Variants in SLK observed in about 807,000 individuals in gnomAD.
The protein encoded by SLK is STE20-like serine/threonine-protein kinase.
A neutral mutation model predicts 147.7 loss-of-function variants in SLK; 67 were observed. The ratio of observed to expected loss-of-function variants is 0.45; its 90% CI spans 0.37 to 0.56. The LOEUF is 0.56. SLK is among the 20% of genes least tolerant of loss of function. The pLI is 0.00. For synonymous variants in SLK, 441 were observed against 475.0 expected (o/e 0.93, Z 0.93); for missense variants, 1,136 against 1,438.8 (o/e 0.79, Z 3.41).
intron 12 of SLK, 86 bp downstream of exon 12, chr10:104,008,442 A>T: frequency 1.1e-6 from 1 of 878,932 alleles, no homozygotes; most frequent in Non-Finnish European, 1.7e-6. Context: ...AGGAATACTA[A>T]TAATACTTGA....
intron 1 of SLK, among the ~76,000 whole-genome samples, chr10:103,984,115 CCTAA>C (rs1843982649): frequency 6.6e-6 from 1 of 151,920 alleles, no homozygotes; most frequent in African/African-American, 2.4e-5. Context: ...CTGTCTGGAC[CCTAA>C]CTGATACAAG....
chr10:103,977,688 T>A (rs558132630), intron 1 of SLK, among the ~76,000 whole-genome samples: 2 of 152,366 alleles, frequency 1.3e-5, no homozygotes, highest in South Asian at 2.1e-4. Flanking sequence ...CCTTGTTAAA[T>A]TTTTGCCTTG....
At chr10:104,012,226 T>G (rs766945658) in intron 13 of SLK, among the ~76,000 whole-genome samples, 1 of 152,218 alleles carries the variant, frequency 6.6e-6, no homozygotes, top group Admixed American at 6.5e-5. Context: ...TAAATTTTGC[T>G]AAGTAAAGAT....
chr10:103,986,693 C>CAA (rs1844020266), intron 1 of SLK, among the ~76,000 whole-genome samples: 3 of 53,234 alleles, frequency 5.6e-5, no homozygotes, highest in African/African-American at 1.4e-4. Context: ...TTTTTTTTTT[C>CAA]CCTGAGACAG....
intron 13 of SLK, among the ~76,000 whole-genome samples, chr10:104,015,895 A>G (rs1424621515): frequency 6.6e-6 from 1 of 151,684 alleles, no homozygotes; most frequent in East Asian, 1.9e-4. Flanking sequence ...ATTTAGACCC[A>G]TTGTTTCTGT....
In SLK at chr10:104,008,401, A is replaced by T. The variant is rs186432670; in HGVS notation, c.2784+45A>T. The T allele has an allele frequency of 2.5e-3, 3,282 of 1,333,394 alleles. 84 individuals are homozygous for T. In the East Asian group the frequency reaches 0.065, roughly 26 times the overall value. 82.6% of individuals were successfully genotyped at this position (1,333,394 alleles called of 1,614,324 possible). Reference sequence around the variant, plus strand: ...TTTAATTACTAAAGCTTTTTTTTTAAAAAAATTGTTTTAAGACTATCTAAG... The same window carrying T: ...TTTAATTACTAAAGCTTTTTTTTTATAAAAATTGTTTTAAGACTATCTAAG... On this transcript the variant is annotated intron_variant, in intron 12 of 18. Transcript: ENST00000369755.
At chr10:104,015,042 G>A (rs1224130665) in intron 13 of SLK, among the ~76,000 whole-genome samples, 2 of 151,988 alleles carry the variant, frequency 1.3e-5, no homozygotes, top group Non-Finnish European at 2.9e-5. Context: ...TAGTGAATGT[G>A]TAATAACATT....
chr10:103,985,977 G>A (rs552828999), intron 1 of SLK, among the ~76,000 whole-genome samples: 19 of 152,142 alleles, frequency 1.2e-4, no homozygotes, highest in Non-Finnish European at 2.6e-4. Context: ...TAAAAACAGT[G>A]ATTTTAGGTG....
intron 1 of SLK, among the ~76,000 whole-genome samples, chr10:103,979,853 T>C (rs1275039702): frequency 1.3e-4 from 20 of 152,220 alleles, no homozygotes; most frequent in Admixed American, 1.3e-3. Flanking sequence ...GTGTAGACAT[T>C]TTAAGTTTTA....
intron 1 of SLK, among the ~76,000 whole-genome samples, chr10:103,978,682 C>T (rs1022219288): frequency 2.0e-5 from 3 of 152,134 alleles, no homozygotes; most frequent in African/African-American, 4.8e-5. Context: ...TTCTTACTAA[C>T]GTGTTTTTTA....
At chr10:103,998,407 G>A (rs1373776221) in intron 4 of SLK, among the ~76,000 whole-genome samples, 1 of 152,090 alleles carries the variant, frequency 6.6e-6, no homozygotes, top group East Asian at 1.9e-4. Context: ...TTACTGTTCT[G>A]TATAATTTAA....
Position 104,008,191 on chromosome 10 carries a change from A to G in SLK, c.2619A>G (p.Gln873=), listed in dbSNP as rs767047729. Reference sequence around the variant, plus strand: ...TTGTTTTACAGAGTAAAAAGCGACAATATGACCAGGAAATTGAGAATCTAG... The same window carrying G: ...TTGTTTTACAGAGTAAAAAGCGACAGTATGACCAGGAAATTGAGAATCTAG... The part of the protein sequence containing the change: ...FEQEMMSKKR[Q]YDQEIENLEK... The change falls in exon 12 of 19, where the codon CAA becomes CAG. Residue 873 remains glutamine, a synonymous_variant. Transcript: ENST00000369755. 6 of 1,612,862 alleles carry G rather than the reference A, an allele frequency of 3.7e-6. No individual in the cohort carries two copies. The highest frequency in any genetic ancestry group is 3.3e-5 in the Admixed American group (2 of 59,706).
At chr10:104,012,474 A>G (rs910216560) in intron 13 of SLK, among the ~76,000 whole-genome samples, 13 of 152,134 alleles carry the variant, frequency 8.5e-5, no homozygotes, top group African/African-American at 3.1e-4. Context: ...CATTTACTAT[A>G]TGTCAGGCAT....
Position 103,978,207 on chromosome 10 carries a change from T to C in SLK, c.150+10312T>C, listed in dbSNP as rs566180583. Among the ~76,000 whole-genome samples the C allele has an allele frequency of 5.3e-5, 8 of 152,318 alleles. No individual in the cohort carries two copies. In the East Asian group the frequency reaches 1.5e-3, roughly 29 times the overall value. On this transcript the variant is annotated intron_variant, in intron 1 of 18. Transcript: ENST00000369755. ...TTTTAAAGTTTTAAACTTTCCTTCT[T>C]AGTTTTCTGTTTTCTACCAGAAAGT...
At chr10:104,024,092 T>C (rs1280922194) in intron 18 of SLK, among the ~76,000 whole-genome samples, 1 of 152,216 alleles carries the variant, frequency 6.6e-6, no homozygotes, top group African/African-American at 2.4e-5. Context: ...CCTGTTCTCT[T>C]AACTGACATC....
intron 14 of SLK, 102 bp from the exon 15 acceptor site, chr10:104,018,682 G>A: frequency 1.7e-6 from 2 of 1,199,634 alleles, no homozygotes; most frequent in Non-Finnish European, 2.4e-6. Context: ...GTGTGTACGA[G>A]TTAGTGTATT....
chr10:104,014,965 G>A (rs1016229902), intron 13 of SLK, among the ~76,000 whole-genome samples: 1 of 151,550 alleles, frequency 6.6e-6, no homozygotes, highest in Non-Finnish European at 1.5e-5. Context: ...TTTCATACCT[G>A]AAAGTAATTT....
chr10:103,969,868 A>G (rs891385276), intron 1 of SLK, among the ~76,000 whole-genome samples: 3 of 152,258 alleles, frequency 2.0e-5, no homozygotes, highest in African/African-American at 7.2e-5. Flanking sequence ...TGAGTATGTA[A>G]TTAGCCTGGA....
chr10:103,974,547 G>A (rs74210174), intron 1 of SLK: 1 of 108,306 alleles, frequency 9.2e-6, no homozygotes, highest in Non-Finnish European at 1.8e-5. Context: ...CCCGGGAGGC[G>A]GAGCTTGCAG....
Sources: gnomAD v4.1 joint callset for allele counts (sites outside exome capture counted in the v4.1 genomes callset) on GRCh38, gnomAD v4.1.1 for gene constraint, MANE v1.5 for transcripts, NCBI Gene and HGNC (gene_info 2026-07-23, HGNC 2026-07-21) for gene names.